Variants in ZP2 observed in about 807,000 individuals in gnomAD.
The protein encoded by ZP2 is zona pellucida sperm-binding protein 2.
A neutral mutation model predicts 84.0 loss-of-function variants in ZP2; 51 were observed. That is an observed-to-expected ratio of 0.61 (90% CI 0.49 to 0.77). The LOEUF is 0.77. Ranked by LOEUF, ZP2 falls within the 30% of genes least tolerant of loss-of-function variation. The pLI, the probability that ZP2 is intolerant of heterozygous loss-of-function variation, is 0.00. For synonymous variants in ZP2, 375 were observed against 330.9 expected, an observed-to-expected ratio of 1.13 and a Z score of -1.45; for missense variants, 909 against 911.9, an observed-to-expected ratio of 1.00 and a Z score of 0.04.
intron 17 of ZP2, 130 bp from the exon 18 acceptor site, chr16:21,197,979 A>G (rs982410773): frequency 2.5e-6 from 2 of 789,108 alleles, no homozygotes; most frequent in Non-Finnish European, 4.3e-6. Context: ...TAACAGGCAC[A>G]AACTAATACA....
chr16:21,199,913 T>C (rs761059379), intron 14 of ZP2, 35 bp from the exon 15 acceptor site: 3 of 1,609,934 alleles, frequency 1.9e-6, no homozygotes, highest in East Asian at 2.2e-5. Flanking sequence ...ATGTCAGTCA[T>C]ATGCATCTTG....
chr16:21,213,325 G>A (rs933361527), upstream of ZP2, among the ~76,000 whole-genome samples: 6 of 152,200 alleles, frequency 3.9e-5, no homozygotes, highest in South Asian at 2.1e-4. Flanking sequence ...GATTACAGGC[G>A]TGAGCCACTG....
chr16:21,210,877 A>ATT (rs559320725), intron 2 of ZP2, among the ~76,000 whole-genome samples: 78 of 133,644 alleles, frequency 5.8e-4, no homozygotes, highest in African/African-American at 2.1e-3. Context: ...GCCTGGCTGC[A>ATT]TTTTTTTTTT....
Position 21,197,606 on chromosome 16 carries a change from T to C in ZP2, c.2112A>G (p.Lys704=), listed in dbSNP as rs1296544765. Residue 704 remains lysine (K), a synonymous_variant, in exon 19 of 19, where the codon AAA becomes AAG. Coordinates refer to ENST00000574091, the MANE Select transcript of ZP2 (RefSeq NM_001376232.1). ...EVGSRGAMDT[K]GHKTAGDVGS... is the part of the protein sequence containing the mutation. ...CAACATCTCCAGCAGTCTTGTGCCCTTTGGTGTCCATAGCACCTACAAAGG... is the reference window on the plus strand; with the variant it reads ...CAACATCTCCAGCAGTCTTGTGCCCCTTGGTGTCCATAGCACCTACAAAGG... The C allele has an allele frequency of 6.2e-7, 1 of 1,614,196 alleles. No individual in the cohort carries two copies. Among genetic ancestry groups the C allele is most frequent in the East Asian group, 2.2e-5 (1 of 44,890 alleles).
intron 10 of ZP2, 23 bp downstream of exon 10, chr16:21,203,102 T>C (rs746948810): frequency 9.3e-6 from 15 of 1,606,916 alleles, no homozygotes; most frequent in Non-Finnish European, 1.2e-5. Flanking sequence ...AGGTAGAACA[T>C]GATTTTAATA....
Position 21,201,464 on chromosome 16 carries a change from C to T in ZP2, c.1599G>A (p.Arg533=). 1.2e-6 allele frequency: 2 copies of T among 1,613,676 alleles called. No individual in the cohort carries two copies. Among genetic ancestry groups the T allele is most frequent in the Non-Finnish European group, 1.7e-6 (2 of 1,179,834 alleles). The change falls in exon 14 of 19, where the codon AGG becomes AGA. Residue 533 remains arginine, a synonymous_variant. Coordinates refer to ENST00000574091, the MANE Select transcript of ZP2 (RefSeq NM_001376232.1). The stretch of plus-strand genomic sequence containing the variant: ...AGACCAGCTTGATGTTGGGGTCATC[C>T]CTGTTTAGGACTCTCACTTCCATGT... The part of the protein sequence containing the change: ...PIYMEVRVLN[R]DDPNIKLVLD...
In ZP2 at chr16:21,197,769, G is replaced by A. The variant is rs748352002; in HGVS notation, c.2092C>T (p.Arg698Ter). Residue 698 changes from arginine (R) to a stop codon, truncating the protein, a stop_gained, in exon 18 of 19, where the codon CGA becomes TGA. Coordinates refer to ENST00000574091, the MANE Select transcript of ZP2 (RefSeq NM_001376232.1). LOFTEE classifies it low-confidence loss of function (END_TRUNC). ...TTGCAACATTGAATAAACTTACCTC[G>A]TGAGCCAACCTCCTCCCCTGTTTCA... is the stretch of plus-strand genomic sequence containing the variant. ...RSETGEEVGS[R>*]GAMDTKGHKT... The A allele has an allele frequency of 1.4e-5, 22 of 1,613,970 alleles. No homozygotes were observed. The highest frequency in any genetic ancestry group is 6.7e-5 in the African/African-American group (5 of 74,916).
rs151111909 is a variant in ZP2 at position 21,208,810 on chromosome 16, G to T, written c.330+821C>A. ...TCATCACTTGTTGTATCCAGGTTCT[G>T]CACCAGGTCTTAATCTGTAGAACAT... is the stretch of plus-strand genomic sequence containing the variant. On this transcript the variant is annotated intron_variant, in intron 4 of 18. Coordinates refer to ENST00000574091, the MANE Select transcript of ZP2 (RefSeq NM_001376232.1). Among the ~76,000 whole-genome samples the T allele has an allele frequency of 1.3e-3, 195 of 152,260 alleles. 2 individuals are homozygous for T. The highest frequency in any genetic ancestry group is 4.3e-3 in the African/African-American group (180 of 41,540).
chr16:21,214,089 G>C (rs1279128613), upstream of ZP2: 2 of 271,968 alleles, frequency 7.4e-6, no homozygotes, highest in African/African-American at 4.6e-5. Context: ...GGGCAGCTTT[G>C]GTCAGAGCCC....
At chr16:21,208,319 T>A (rs933494551) in intron 4 of ZP2, among the ~76,000 whole-genome samples, 6 of 152,144 alleles carry the variant, frequency 3.9e-5, no homozygotes, top group Non-Finnish European at 7.4e-5. Flanking sequence ...AGAAGGTCTG[T>A]TTTAGAAGGA....
At chr16:21,199,943 C>T in intron 14 of ZP2, 65 bp from the exon 15 acceptor site, 1 of 1,597,638 alleles carries the variant, frequency 6.3e-7, no homozygotes, top group Non-Finnish European at 8.6e-7. Context: ...TCAATGTCTG[C>T]CCAGATTTAG....
rs1298127785 is a variant in ZP2 at position 21,209,621 on chromosome 16, A to G, written c.330+10T>C. 3 of 1,613,664 alleles carry G rather than the reference A, an allele frequency of 1.9e-6. No individual in the cohort carries two copies. In the Admixed American group the frequency reaches 5.0e-5, roughly 27 times the overall value. ...TACTTCCCCAAGAACTGCTCAAAGC[A>G]ATGACTTACCACTCTCCTGGTACAG... On this transcript the variant is annotated intron_variant, in intron 4 of 18. Transcript: ENST00000574091.
chr16:21,197,516 G>A lies in ZP2; in HGVS notation c.2202C>T (p.Tyr734=). 2 of 1,614,190 alleles carry A rather than the reference G, an allele frequency of 1.2e-6. No individual in the cohort carries two copies. The highest frequency in any genetic ancestry group is 1.7e-6 in the Non-Finnish European group (2 of 1,180,032). Residue 734 remains tyrosine, a synonymous_variant, in exon 19 of 19, where the codon TAC becomes TAT. Coordinates refer to ENST00000574091, the MANE Select transcript of ZP2 (RefSeq NM_001376232.1). ...AGVVATLGFI[Y]YLYEKRTVSN... ...ACACAGTCCTTTTCTCGTACAGGTA[G>A]TAGATGAAGCCTAGAGTTGCCACCA...
intron 3 of ZP2, 32 bp from the exon 4 acceptor site, chr16:21,209,757 G>T: frequency 1.3e-6 from 2 of 1,592,908 alleles, no homozygotes; most frequent in Non-Finnish European, 1.7e-6. Flanking sequence ...AGACAGGATG[G>T]CTGAGTACAT....
intron 3 of ZP2, 143 bp downstream of exon 3, chr16:21,209,966 G>A (rs2093266960): frequency 2.6e-6 from 2 of 779,492 alleles, no homozygotes; most frequent in African/African-American, 1.7e-5. Context: ...GTGGCTTCAT[G>A]CAAATCAGGT....
At chr16:21,208,208 C>T (rs2093259129) in intron 4 of ZP2, among the ~76,000 whole-genome samples, 1 of 152,174 alleles carries the variant, frequency 6.6e-6, no homozygotes, top group Non-Finnish European at 1.5e-5. Flanking sequence ...ACAGAGCAAG[C>T]CTGCCTCAGA....
Position 21,209,688 on chromosome 16 carries a change from G to A in ZP2, c.273C>T (p.Ile91=), listed in dbSNP as rs2093265711. 6.2e-7 allele frequency: 1 copy of A among 1,614,060 alleles called. No individual in the cohort carries two copies. The highest frequency in any genetic ancestry group is 1.7e-5 in the Admixed American group (1 of 60,006). ...LGLDMPNCTY[I]LDPEKLTLRA... The stretch of plus-strand genomic sequence containing the variant: ...TCAGGGTGAGCTTTTCTGGGTCCAG[G>A]ATGTAAGTGCAGTTCGGCATGTCGA... Residue 91 remains isoleucine, a synonymous_variant, in exon 4 of 19, where the codon ATC becomes ATT. Transcript: ENST00000574091.
rs1391170007 is a variant in ZP2, at chr16:21,199,468, T to C, written c.1927+102A>G. The C allele has an allele frequency of 8.5e-6, 9 of 1,060,944 alleles. No individual in the cohort carries two copies. In the African/African-American group the frequency reaches 1.3e-4, roughly 15 times the overall value. 65.7% of individuals were successfully genotyped at this position (1,060,944 alleles called of 1,614,324 possible). ...CTGGGCCAACAAGAGCTCTGGGCAG[T>C]AAATAAAGTATGAGTTATACCAGTC... is the stretch of plus-strand genomic sequence containing the variant. On this transcript the variant is annotated intron_variant, in intron 16 of 18. Transcript: ENST00000574091.
intron 11 of ZP2, 22 bp downstream of exon 11, chr16:21,202,082 C>T (rs752110545): frequency 8.1e-6 from 13 of 1,613,006 alleles, no homozygotes; most frequent in Admixed American, 3.3e-5. Flanking sequence ...GACTTAACCT[C>T]GTGCCATCTG....
Sources: allele counts gnomAD v4.1 joint callset (sites outside exome capture counted in the v4.1 genomes callset), GRCh38; gene constraint gnomAD v4.1.1; transcripts MANE v1.5; gene names NCBI Gene and HGNC (gene_info 2026-07-23, HGNC 2026-07-21).